The following EPHX2 variants were observed in gnomAD, a reference collection of about 807,000 sequenced individuals.
EPHX2 encodes the protein epoxide hydrolase 2.
A neutral mutation model predicts 78.7 loss-of-function variants in EPHX2; 74 were observed. The ratio of observed to expected loss-of-function variants is 0.94; its 90% CI spans 0.78 to 1.14. EPHX2 has a LOEUF of 1.14. Among genes scored for constraint, EPHX2 ranks in the 50% most tolerant of loss-of-function variants. The pLI, the probability that EPHX2 is intolerant of heterozygous loss-of-function variation, is 0.00. For synonymous variants in EPHX2, 251 were observed against 255.2 expected (o/e 0.98, Z 0.16); for missense variants, 715 against 702.5 (o/e 1.02, Z -0.20).
At chr8:27,535,158 CA>C (rs1432562529) in intron 12 of EPHX2, among the ~76,000 whole-genome samples, 2 of 151,156 alleles carry the variant, frequency 1.3e-5, no homozygotes, top group Non-Finnish European at 2.9e-5. Context: ...AGCTGTGTTA[CA>C]GAAATATTTT....
At chr8:27,522,255 G>T (rs1291958694) in intron 10 of EPHX2, among the ~76,000 whole-genome samples, 168 bp from the exon 11 acceptor site, 1 of 152,154 alleles carries the variant, frequency 6.6e-6, no homozygotes, top group Non-Finnish European at 1.5e-5. Flanking sequence ...TGTGTTGAGG[G>T]TCTGTGGCTG....
At chr8:27,501,250 T>G (rs1284664525) in intron 2 of EPHX2, among the ~76,000 whole-genome samples, 2 of 152,224 alleles carry the variant, frequency 1.3e-5, no homozygotes, top group Non-Finnish European at 2.9e-5. Flanking sequence ...ATTGAATTAT[T>G]GACTTTTTAT....
Position 27,503,662 on chromosome 8 carries a change from T to G in EPHX2, c.245T>G (p.Leu82Arg). 6.2e-7 allele frequency: 1 copy of G among 1,613,910 alleles called. No homozygotes were observed. The highest frequency in any genetic ancestry group is 8.5e-7 in the Non-Finnish European group (1 of 1,179,962). Residue 82 changes from leucine to arginine, a missense_variant, in exon 3 of 19, where the codon CTC (leucine) becomes CGC (arginine). Transcript: ENST00000521400. ...TGCTCCGAGACCGCTAAAGTCTGCC[T>G]CCCCAAGAATTTCTCCATAAAAGAA... ...RKCSETAKVC[L>R]PKNFSIKEIF...
rs576752796 is a variant in EPHX2 at position 27,540,534 on chromosome 8, A to C, written c.1277-20A>C. ...ACCTGGCCCGGGGATGGGAAAGTCA[A>C]CAAGTGGCTTTTTTTGCAGGAGGAC... On this transcript the variant is annotated intron_variant, in intron 14 of 18. Transcript: ENST00000521400. 6.2e-7 allele frequency: 1 copy of C among 1,611,102 alleles called. No individual in the cohort carries two copies. Among genetic ancestry groups the C allele is most frequent in the South Asian group, 1.1e-5 (1 of 91,034 alleles).
Position 27,544,550 on chromosome 8 carries a change from G to C in EPHX2, c.*28G>C. 6.2e-7 allele frequency: 1 copy of C among 1,612,206 alleles called. No homozygotes were observed. The highest frequency in any genetic ancestry group is 2.0e-4 in the Middle Eastern group (1 of 5,070). On this transcript the variant is annotated 3_prime_UTR_variant, in exon 19 of 19. Coordinates refer to ENST00000521400, the MANE Select transcript of EPHX2 (RefSeq NM_001979.6). ...CGCAGCGTGTGCCCACGCTCAGCAGGTGTGCCATCCTTCCACCTGCTGGGG... is the reference window on the plus strand; with the variant it reads ...CGCAGCGTGTGCCCACGCTCAGCAGCTGTGCCATCCTTCCACCTGCTGGGG...
intron 1 of EPHX2, among the ~76,000 whole-genome samples, chr8:27,496,242 G>T (rs1217885142): frequency 6.6e-6 from 1 of 152,186 alleles, no homozygotes; most frequent in East Asian, 1.9e-4. Flanking sequence ...TAGCCTGCTG[G>T]CATGAGGCTT....
Position 27,506,994 on chromosome 8 carries a change from G to C in EPHX2, c.660G>C (p.Gln220His), listed in dbSNP as rs773397388. ...AACTGGAGAAAGTGACCGGAATCCA[G>C]GTAACTTGACTTCTGAGCGAGCCAA... ...LKELEKVTGI[Q>H]LLNTPAPLPT... The change falls in exon 5 of 19, where the codon CAG becomes CAC. Residue 220 changes from glutamine (Q) to histidine (H), a missense_variant and splice_region_variant. Gln to His is a conservative substitution (Grantham distance 24). Coordinates refer to ENST00000521400, the MANE Select transcript of EPHX2 (RefSeq NM_001979.6). 3 of 1,613,678 alleles carry C rather than the reference G, an allele frequency of 1.9e-6. No homozygotes were observed. In the East Asian group the frequency reaches 6.7e-5, roughly 36 times the overall value.
At chr8:27,505,913 G>A (rs1813988882) in intron 4 of EPHX2, among the ~76,000 whole-genome samples, 1 of 152,082 alleles carries the variant, frequency 6.6e-6, no homozygotes, top group Admixed American at 6.5e-5. Flanking sequence ...TGTCCAAGAT[G>A]GTAAATGCAT....
At chr8:27,515,534 G>A in intron 6 of EPHX2, 184 bp from the exon 7 acceptor site, 1 of 575,204 alleles carries the variant, frequency 1.7e-6, no homozygotes, top group South Asian at 2.2e-5. Flanking sequence ...TTTTTATTGA[G>A]TAGGTTGGCC....
chr8:27,544,536 C>G lies in EPHX2; in HGVS notation c.*14C>G. 6.2e-7 allele frequency: 1 copy of G among 1,613,074 alleles called. No homozygotes were observed. The highest frequency in any genetic ancestry group is 8.5e-7 in the Non-Finnish European group (1 of 1,179,894). ...TCAAAGATGTAGAACGCAGCGTGTG[C>G]CCACGCTCAGCAGGTGTGCCATCCT... On this transcript the variant is annotated 3_prime_UTR_variant, in exon 19 of 19. Transcript: ENST00000521400.
chr8:27,496,652 A>G, intron 1 of EPHX2, among the ~76,000 whole-genome samples: 1 of 152,214 alleles, frequency 6.6e-6, no homozygotes, highest in East Asian at 1.9e-4. Flanking sequence ...GGGGTGTTGC[A>G]GGGACTGCTG....
intron 1 of EPHX2, among the ~76,000 whole-genome samples, chr8:27,491,952 G>GTTT (rs72456076): frequency 7.0e-6 from 1 of 143,010 alleles, no homozygotes; most frequent in Non-Finnish European, 1.5e-5. Flanking sequence ...TTTTTTTTGT[G>GTTT]TTTTTTTTTT....
downstream of EPHX2, among the ~76,000 whole-genome samples, chr8:27,547,159 G>A (rs1469718375): frequency 2.0e-5 from 3 of 152,196 alleles, no homozygotes; most frequent in Non-Finnish European, 2.9e-5. Context: ...TGAGATTTGG[G>A]TGGGGACAGA....
chr8:27,547,532 A>T (rs116768061), downstream of EPHX2, among the ~76,000 whole-genome samples: 1 of 152,196 alleles, frequency 6.6e-6, no homozygotes, highest in Non-Finnish European at 1.5e-5. Flanking sequence ...TACACATGTC[A>T]TCTCAAACAT....
At chr8:27,542,849 G>A (rs115046242) in intron 16 of EPHX2, among the ~76,000 whole-genome samples, 2,050 of 152,068 alleles carry the variant, frequency 0.013, 40 homozygotes, top group African/African-American at 0.047. Flanking sequence ...ACCATGTTGC[G>A]CAGGGTGGTC....
intron 6 of EPHX2, among the ~76,000 whole-genome samples, chr8:27,514,311 A>G (rs1053672338): frequency 6.6e-6 from 1 of 152,170 alleles, no homozygotes; most frequent in Non-Finnish European, 1.5e-5. Flanking sequence ...TGTCCCCCAC[A>G]CTGCCCAAAA....
At chr8:27,514,742 C>T (rs182950322) in intron 6 of EPHX2, among the ~76,000 whole-genome samples, 44 of 152,196 alleles carry the variant, frequency 2.9e-4, no homozygotes, top group Admixed American at 3.9e-4. Flanking sequence ...CTGTGACCCC[C>T]GGATGTAGCA....
chr8:27,517,036 C>T (rs1242172008), intron 8 of EPHX2, among the ~76,000 whole-genome samples: 1 of 151,760 alleles, frequency 6.6e-6, no homozygotes, highest in Non-Finnish European at 1.5e-5. Flanking sequence ...TCTCCTGCCT[C>T]AGCCTCCCTA....
chr8:27,532,034 C>A lies in EPHX2; in HGVS notation c.1171-4750C>A. Among the ~76,000 whole-genome samples the A allele has an allele frequency of 1.3e-5, 2 of 152,054 alleles. 1 individual carries two copies. The highest frequency in any genetic ancestry group is 2.9e-5 in the Non-Finnish European group (2 of 67,996). Reference sequence around the variant, plus strand: ...GGCTCCTCTGACAGTGTGCTGAATACGCACATGGGAAGTAAATTGAGAGGA... The same window carrying A: ...GGCTCCTCTGACAGTGTGCTGAATAAGCACATGGGAAGTAAATTGAGAGGA... On this transcript the variant is annotated intron_variant, in intron 12 of 18. Transcript: ENST00000521400.
Sources: gnomAD v4.1 joint callset for allele counts (sites outside exome capture counted in the v4.1 genomes callset) on GRCh38, gnomAD v4.1.1 for gene constraint, MANE v1.5 for transcripts, NCBI Gene and HGNC (gene_info 2026-07-23, HGNC 2026-07-21) for gene names.